Variants in POP5 observed in about 807,000 individuals in gnomAD.
POP5 encodes ribonuclease P/MRP protein subunit POP5.
Under a neutral mutation model 20.7 loss-of-function variants are expected in POP5, and 18 were observed. The observed-to-expected ratio is 0.87, with a 90% CI of 0.60 to 1.29. The LOEUF (loss-of-function observed/expected upper bound fraction) is 1.29. Among genes scored for constraint, POP5 ranks in the 50% most tolerant of loss-of-function variants. The probability of loss-of-function intolerance (pLI) is 0.00; values close to 1 mark genes in which losing one functional copy is unlikely to be tolerated. For synonymous variants in POP5, 91 were observed against 78.0 expected (o/e 1.17, Z -0.88); for missense variants, 200 against 203.2 (o/e 0.98, Z 0.10).
rs1408445489 is a variant in POP5 at position 120,579,412 on chromosome 12, C to T, written c.398G>A (p.Gly133Glu). The T allele has an allele frequency of 2.5e-6, 4 of 1,613,240 alleles. No homozygotes were observed. Among genetic ancestry groups the T allele is most frequent in the Non-Finnish European group, 2.5e-6 (3 of 1,179,170 alleles). Residue 133 changes from glycine to glutamate, a missense_variant and splice_region_variant, in exon 5 of 5, where the codon GGA (glycine) becomes GAA (glutamate). By Grantham distance (98) the Gly-to-Glu change is moderately conservative. Coordinates refer to ENST00000357500, the MANE Select transcript of POP5 (RefSeq NM_015918.4). ...LILLQNCTDE[G>E]EREAIQKSVT... ...AGACTTCTGGATAGCTTCCCGCTCTCCTGGAGAAGGCAGATAACAGGGATG... is the reference window on the plus strand; with the variant it reads ...AGACTTCTGGATAGCTTCCCGCTCTTCTGGAGAAGGCAGATAACAGGGATG...
chr12:120,579,460 T>C (rs1367762129), intron 4 of POP5, 48 bp from the exon 5 acceptor site: 1 of 1,608,292 alleles, frequency 6.2e-7, no homozygotes, highest in African/African-American at 1.3e-5. Flanking sequence ...GGGAGTGATT[T>C]CTTCAGCTTA....
At chr12:120,580,767 T>G in intron 2 of POP5, 1 of 269,874 alleles carries the variant, frequency 3.7e-6, no homozygotes. Context: ...TTTTTCCATA[T>G]GATGTTAATG....
chr12:120,580,895 A>G, intron 2 of POP5: 1 of 629,664 alleles, frequency 1.6e-6, no homozygotes, highest in Non-Finnish European at 2.7e-6. Flanking sequence ...GCAGGTAAAA[A>G]GAGGCTTCTA....
At chr12:120,579,707 C>T (rs1246862910) in intron 3 of POP5, 67 bp downstream of exon 3, 5 of 1,551,598 alleles carry the variant, frequency 3.2e-6, no homozygotes, top group Admixed American at 1.7e-5. Flanking sequence ...GACCCACCCA[C>T]CAGTTTAGAC....
At chr12:120,580,891 A>G in intron 2 of POP5, 1 of 618,936 alleles carries the variant, frequency 1.6e-6, no homozygotes, top group Non-Finnish European at 2.7e-6. Flanking sequence ...TCAAGCAGGT[A>G]AAAAGAGGCT....
In POP5 at chr12:120,581,107, C is replaced by T. The variant is rs1184884869; in HGVS notation, c.163+8G>A. ...CCGGGTTCCCCTCTTCCCCCAGCGC[C>T]CTTGCACCCGCGAAGCCGATGGAGC... is the stretch of plus-strand genomic sequence containing the variant. On this transcript the variant is annotated splice_region_variant and intron_variant, in intron 2 of 4. Coordinates refer to ENST00000357500, the MANE Select transcript of POP5 (RefSeq NM_015918.4). 6.2e-7 allele frequency: 1 copy of T among 1,609,114 alleles called. No homozygotes were observed. Among genetic ancestry groups the T allele is most frequent in the Admixed American group, 1.7e-5 (1 of 59,998 alleles).
chr12:120,579,084 G>C lies in POP5; in HGVS notation c.*234C>G. ...GATACATTTATTAAATCTACTCTTA[G>C]CCAAGCAATAAAGATGTCTACAGAG... On this transcript the variant is annotated 3_prime_UTR_variant, in exon 5 of 5. Transcript: ENST00000357500. The C allele has an allele frequency of 1.8e-6, 1 of 569,486 alleles. No homozygotes were observed. The highest frequency in any genetic ancestry group is 3.1e-6 in the Non-Finnish European group (1 of 319,010). The allele number at this position is 569,486 out of a possible 1,614,324, so 35.3% of individuals were successfully genotyped here. A position where few individuals can be genotyped will look rare whatever the true frequency, so the allele number is the denominator to read the frequency against.
chr12:120,581,324 T>C lies in POP5; in HGVS notation c.20+19A>G, dbSNP rs373318319. 9.3e-6 allele frequency: 15 copies of C among 1,613,784 alleles called. No individual in the cohort carries two copies. The highest frequency in any genetic ancestry group is 1.3e-5 in the African/African-American group (1 of 74,892). ...AGGACCCAGCAAGGCACTGGGAGGG[T>C]CTGGAAGGGAATGCTTACCTGTGCT... On this transcript the variant is annotated intron_variant, in intron 1 of 4. Transcript: ENST00000357500.
Position 120,579,105 on chromosome 12 carries a change from C to T in POP5, c.*213G>A, listed in dbSNP as rs1877699126. 1.7e-6 allele frequency: 1 copy of T among 596,114 alleles called. No individual in the cohort carries two copies. 36.9% of individuals were successfully genotyped at this position (596,114 alleles called of 1,614,324 possible). A position where few individuals can be genotyped will look rare whatever the true frequency, so the allele number is the denominator to read the frequency against. On this transcript the variant is annotated 3_prime_UTR_variant, in exon 5 of 5. Transcript: ENST00000357500. Reference sequence around the variant, plus strand: ...CTTAGCCAAGCAATAAAGATGTCTACAGAGTTCACAACCTGCAACACTTCA... The same window carrying T: ...CTTAGCCAAGCAATAAAGATGTCTATAGAGTTCACAACCTGCAACACTTCA...
chr12:120,579,689 A>C, intron 3 of POP5, 85 bp downstream of exon 3: 1 of 1,546,202 alleles, frequency 6.5e-7, no homozygotes. Context: ...TTAGCGGGAC[A>C]GCAGCAAGAC....
At chr12:120,581,091 C>T in intron 2 of POP5, 24 bp downstream of exon 2, 1 of 1,605,022 alleles carries the variant, frequency 6.2e-7, no homozygotes, top group Non-Finnish European at 8.5e-7. Context: ...CCCGGGTTCC[C>T]CTCTTCCCCC....
At chr12:120,580,097 CT>C (rs1380785964) in intron 2 of POP5, 174 bp from the exon 3 acceptor site, 1 of 579,938 alleles carries the variant, frequency 1.7e-6, no homozygotes, top group Non-Finnish European at 3.0e-6. Context: ...CAAAAATTAG[CT>C]GGGTGTGGTG....
intron 1 of POP5, 30 bp downstream of exon 1, chr12:120,581,313 C>T (rs201207481): frequency 2.5e-6 from 4 of 1,614,034 alleles, no homozygotes; most frequent in Non-Finnish European, 2.5e-6. Context: ...CCCAGCAAGG[C>T]ACTGGGAGGG....
rs1165535869 is a variant in POP5, at chr12:120,579,361, T to C, written c.449A>G (p.Glu150Gly). 6.2e-7 allele frequency: 1 copy of C among 1,614,178 alleles called. No individual in the cohort carries two copies. ...KSVTRSCLLE[E>G]EEESGEEAAE... is the part of the protein sequence containing the mutation. ...AGCCTCCTCACCTGACTCCTCCTCC[T>C]CCTCTAATAAGCAGCTTCTTGTCAC... is the stretch of plus-strand genomic sequence containing the variant. The change falls in exon 5 of 5, where the codon GAG becomes GGG. Residue 150 changes from glutamate to glycine, a missense_variant. By Grantham distance (98) the Glu-to-Gly change is moderately conservative (BLOSUM62 -2). Transcript: ENST00000357500.
chr12:120,579,075 C>G lies in POP5; in HGVS notation c.*243G>C. ...CGGAAACCAGATACATTTATTAAAT[C>G]TACTCTTAGCCAAGCAATAAAGATG... On this transcript the variant is annotated 3_prime_UTR_variant, in exon 5 of 5. Coordinates refer to ENST00000357500, the MANE Select transcript of POP5 (RefSeq NM_015918.4). The G allele has an allele frequency of 1.8e-6, 1 of 555,676 alleles. No homozygotes were observed. Among genetic ancestry groups the G allele is most frequent in the Non-Finnish European group, 3.2e-6 (1 of 310,838 alleles). The allele number at this position is 555,676 out of a possible 1,614,324, so 34.4% of individuals were successfully genotyped here.
chr12:120,579,308 G>A lies in POP5; in HGVS notation c.*10C>T. Reference sequence around the variant, plus strand: ...TGAGCAGTGTAGCCAGCTGTGTGGGGAGCAGAGGTTCACTCCATTGCTTCT... The same window carrying A: ...TGAGCAGTGTAGCCAGCTGTGTGGGAAGCAGAGGTTCACTCCATTGCTTCT... On this transcript the variant is annotated 3_prime_UTR_variant, in exon 5 of 5. Coordinates refer to ENST00000357500, the MANE Select transcript of POP5 (RefSeq NM_015918.4). 6.2e-7 allele frequency: 1 copy of A among 1,610,276 alleles called. No homozygotes were observed. The highest frequency in any genetic ancestry group is 8.5e-7 in the Non-Finnish European group (1 of 1,176,696).
rs1877676701 is a variant in POP5, at chr12:120,578,771, TAGCC to T, written c.*543_*546del. ...CCGTCTCTACTAAAAATACAAAAAT[TAGCC>T]AGACGTGGTGGTGCACGTCTGTAAT... is the stretch of plus-strand genomic sequence containing the variant. On this transcript the variant is annotated 3_prime_UTR_variant, in exon 5 of 5. Coordinates refer to ENST00000357500, the MANE Select transcript of POP5 (RefSeq NM_015918.4). The T allele has an allele frequency of 6.5e-6, 1 of 154,326 alleles. No individual in the cohort carries two copies. Among genetic ancestry groups the T allele is most frequent in the African/African-American group, 2.4e-5 (1 of 41,388 alleles). The allele number at this position is 154,326 out of a possible 1,614,324, so 9.6% of individuals were successfully genotyped here.
chr12:120,579,452 G>A (rs1877735865), intron 4 of POP5, 40 bp from the exon 5 acceptor site: 1 of 1,607,124 alleles, frequency 6.2e-7, no homozygotes, highest in East Asian at 2.2e-5. Flanking sequence ...ATATCTTTGG[G>A]AGTGATTTCT....
rs544022020 is a variant in POP5 at position 120,581,321 on chromosome 12, G to A, written c.20+22C>T. The A allele has an allele frequency of 1.7e-5, 27 of 1,614,118 alleles. No individual in the cohort carries two copies. The South Asian group carries it at 2.3e-4, about 14-fold the overall frequency. On this transcript the variant is annotated intron_variant, in intron 1 of 4. Coordinates refer to ENST00000357500, the MANE Select transcript of POP5 (RefSeq NM_015918.4). ...GCGAGGACCCAGCAAGGCACTGGGA[G>A]GGTCTGGAAGGGAATGCTTACCTGT...
Sources: gnomAD v4.1 joint callset for allele counts on GRCh38, gnomAD v4.1.1 for gene constraint, MANE v1.5 for transcripts, NCBI Gene and HGNC (gene_info 2026-07-23, HGNC 2026-07-21) for gene names.